Variants in AGBL4 observed in about 807,000 individuals in gnomAD.
AGBL4 encodes AGBL carboxypeptidase 4, also known as cytosolic carboxypeptidase 6.
A neutral mutation model predicts 66.4 loss-of-function variants in AGBL4; 58 were observed. The observed-to-expected ratio is 0.87, with a 90% confidence interval of 0.71 to 1.09. The LOEUF is 1.09. Among genes scored for constraint, AGBL4 ranks in the 50% least tolerant of loss-of-function variants. AGBL4 has a pLI of 0.00. For synonymous variants in AGBL4, 234 were observed against 222.9 expected (o/e 1.05, Z -0.44); for missense variants, 579 against 631.0 (o/e 0.92, Z 0.88).
chr1:49,845,158 T>C (rs1321494865), intron 2 of AGBL4: 3 of 1,402,926 alleles, frequency 2.1e-6, no homozygotes, highest in African/African-American at 2.8e-5. Context: ...ACAGAGACCT[T>C]ATGAATGTCA....
rs149848660 is a variant in AGBL4 at position 49,737,020 on chromosome 1, TA to T, written c.158-39584del. ...TTTTAACAATGGCTATTAAAAAGTTTAAAAAAAAAACATGATGGCAAAGCAA... is the reference window on the plus strand; with the variant it reads ...TTTTAACAATGGCTATTAAAAAGTTTAAAAAAAAACATGATGGCAAAGCAA... On this transcript the variant is annotated intron_variant, in intron 2 of 13. Transcript: ENST00000371839. 4.9e-4 allele frequency among the ~76,000 whole-genome samples: 73 copies of T among 148,340 alleles called. 1 individual carries two copies. The highest frequency in any genetic ancestry group is 7.3e-4 in the Non-Finnish European group (49 of 66,760).
At position 49,527,206 on chromosome 1, in the gene AGBL4, T is replaced by C. The variant is rs574188942; in HGVS notation, c.282+170107A>G. ...AAAGAAGGTGTATCCAAGTGCTCAATGAGAACATTGTACTCTTTCTCCACG... is the reference window on the plus strand; with the variant it reads ...AAAGAAGGTGTATCCAAGTGCTCAACGAGAACATTGTACTCTTTCTCCACG... On this transcript the variant is annotated intron_variant, in intron 3 of 13. Coordinates refer to ENST00000371839, the MANE Select transcript of AGBL4 (RefSeq NM_032785.4). The C allele has an allele frequency of 3.9e-5, 6 of 152,198 alleles. No individual in the cohort carries two copies. The East Asian group carries it at 9.7e-4, about 25-fold the overall frequency. 9.4% of individuals were successfully genotyped at this position (152,198 alleles called of 1,614,324 possible).
chr1:49,745,260 T>C (rs889113430), intron 2 of AGBL4, among the ~76,000 whole-genome samples: 4 of 152,048 alleles, frequency 2.6e-5, no homozygotes, highest in African/African-American at 9.7e-5. Context: ...TATCTGATTG[T>C]TTCACGTTCC....
intron 6 of AGBL4, chr1:48,817,956 C>G (rs1646220623): frequency 1.5e-6 from 1 of 664,236 alleles, no homozygotes. Context: ...CTAATACGTT[C>G]CTGTTTGTCC....
chr1:49,873,580 T>C (rs909758356), intron 1 of AGBL4, among the ~76,000 whole-genome samples: 1 of 152,128 alleles, frequency 6.6e-6, no homozygotes, highest in Non-Finnish European at 1.5e-5. Context: ...TTATCTTATG[T>C]AAAGTGCTGA....
intron 3 of AGBL4, among the ~76,000 whole-genome samples, chr1:49,404,098 T>G (rs1645144939): frequency 1.3e-5 from 2 of 152,164 alleles, no homozygotes; most frequent in Admixed American, 1.3e-4. Flanking sequence ...AACAGCATCC[T>G]TGTTATGACC....
At chr1:50,004,611 C>T (rs1202802336) in intron 1 of AGBL4, among the ~76,000 whole-genome samples, 3 of 152,142 alleles carry the variant, frequency 2.0e-5, no homozygotes, top group East Asian at 3.9e-4. Flanking sequence ...CAGACAGAGT[C>T]CTGAGACCTC....
At chr1:48,918,561 C>T (rs1006468369) in intron 5 of AGBL4, among the ~76,000 whole-genome samples, 1 of 152,164 alleles carries the variant, frequency 6.6e-6, no homozygotes. Context: ...AGAGCACTCA[C>T]AAGTGGGATT....
chr1:49,587,438 C>T (rs1248832904), intron 3 of AGBL4, among the ~76,000 whole-genome samples: 2 of 152,166 alleles, frequency 1.3e-5, no homozygotes, highest in Non-Finnish European at 2.9e-5. Context: ...GATATGGTGA[C>T]TCATCTCACC....
chr1:49,656,816 C>G (rs773417430), intron 3 of AGBL4, among the ~76,000 whole-genome samples: 15 of 152,110 alleles, frequency 9.9e-5, no homozygotes, highest in Non-Finnish European at 1.8e-4. Context: ...ACTTTTCATG[C>G]TAAAAACTCT....
chr1:48,597,606 T>A (rs1019053336), intron 9 of AGBL4, among the ~76,000 whole-genome samples: 4 of 151,042 alleles, frequency 2.6e-5, no homozygotes, highest in African/African-American at 7.3e-5. Context: ...CTGGCAAAAT[T>A]GTCTTTCAAA....
At chr1:49,483,372 G>T (rs964846916) in intron 3 of AGBL4, among the ~76,000 whole-genome samples, 7 of 151,974 alleles carry the variant, frequency 4.6e-5, no homozygotes, top group African/African-American at 7.2e-5. Flanking sequence ...TGGATTGGAA[G>T]AATTAATATA....
chr1:49,949,224 G>T lies in AGBL4; in HGVS notation c.34+74539C>A, dbSNP rs376447508. Among the ~76,000 whole-genome samples the T allele has an allele frequency of 3.3e-4, 50 of 151,606 alleles. 1 individual carries two copies. The South Asian group carries it at 9.6e-3, about 29-fold the overall frequency. On this transcript the variant is annotated intron_variant, in intron 1 of 13. Transcript: ENST00000371839. ...CTTATACAAAAATCAACTCAAGAAG[G>T]ATCAAGGACCTAAATCTAAGACTTG...
At chr1:48,853,553 C>G (rs1274524743) in intron 6 of AGBL4, among the ~76,000 whole-genome samples, 1 of 152,190 alleles carries the variant, frequency 6.6e-6, no homozygotes, top group Non-Finnish European at 1.5e-5. Context: ...AGTATTATTA[C>G]TATCTTGCTT....
chr1:49,264,690 C>T (rs558405857), intron 3 of AGBL4, among the ~76,000 whole-genome samples: 45 of 152,158 alleles, frequency 3.0e-4, no homozygotes, highest in African/African-American at 1.1e-3. Context: ...GGACTACAGT[C>T]GCATATCACC....
At chr1:48,871,434 G>A (rs1648664307) in intron 5 of AGBL4, among the ~76,000 whole-genome samples, 1 of 151,426 alleles carries the variant, frequency 6.6e-6, no homozygotes, top group East Asian at 2.0e-4. Context: ...ATTCATCTCA[G>A]ACAAAGAAGT....
chr1:48,823,976 T>G (rs1646370846), intron 6 of AGBL4, among the ~76,000 whole-genome samples: 1 of 152,058 alleles, frequency 6.6e-6, no homozygotes, highest in African/African-American at 2.4e-5. Flanking sequence ...AAAAGGTGTG[T>G]GTGTGTGTGT....
At chr1:49,674,813 T>C (rs374150504) in intron 3 of AGBL4, among the ~76,000 whole-genome samples, 9 of 152,176 alleles carry the variant, frequency 5.9e-5, no homozygotes, top group East Asian at 1.9e-4. Flanking sequence ...CTTGATACAA[T>C]GAAAGTATGT....
intron 4 of AGBL4, among the ~76,000 whole-genome samples, chr1:49,078,665 C>T (rs1042446787): frequency 1.3e-5 from 2 of 152,152 alleles, no homozygotes; most frequent in African/African-American, 4.8e-5. Flanking sequence ...TTTAAACCAC[C>T]ATTTTCTTTC....
Sources: allele counts gnomAD v4.1 joint callset (sites outside exome capture counted in the v4.1 genomes callset), GRCh38; gene constraint gnomAD v4.1.1; transcripts MANE v1.5; gene names NCBI Gene and HGNC (gene_info 2026-07-23, HGNC 2026-07-21).